The following PDGFC variants were observed in gnomAD, a reference collection of about 807,000 sequenced individuals.
PDGFC encodes platelet derived growth factor C.
A neutral mutation model predicts 35.5 loss-of-function variants in PDGFC; 12 were observed. The ratio of observed to expected loss-of-function variants is 0.34; its 90% CI spans 0.22 to 0.55. The LOEUF is 0.55. PDGFC is among the 20% of genes least tolerant of loss of function. The pLI is 0.91. For missense variants in PDGFC, 322 were observed against 412.4 expected (o/e 0.78, Z 1.90); for synonymous variants, 159 against 148.8 (o/e 1.07, Z -0.50).
At chr4:156,803,568 T>A (rs1197093092) in intron 3 of PDGFC, among the ~76,000 whole-genome samples, 1 of 151,700 alleles carries the variant, frequency 6.6e-6, no homozygotes, top group Non-Finnish European at 1.5e-5. Flanking sequence ...TTAAATAGAG[T>A]CGTAGAGGTA....
At chr4:156,961,927 C>T (rs1213312910) in intron 1 of PDGFC, among the ~76,000 whole-genome samples, 2 of 152,096 alleles carry the variant, frequency 1.3e-5, no homozygotes, top group Admixed American at 6.5e-5. Context: ...ACTGAGGCTG[C>T]GCAGCCTGCC....
intron 1 of PDGFC, chr4:156,861,382 G>A (rs1729706342): frequency 4.4e-6 from 3 of 688,162 alleles, no homozygotes; most frequent in Non-Finnish European, 6.6e-6. Context: ...TTTCTGATAA[G>A]AAAAGCTTAA....
chr4:156,949,359 CT>C (rs201001684), intron 1 of PDGFC, among the ~76,000 whole-genome samples: 21 of 148,494 alleles, frequency 1.4e-4, no homozygotes, highest in African/African-American at 2.5e-4. Flanking sequence ...CTAATGTGTA[CT>C]TTTTTTTTTA....
At chr4:156,844,834 G>T (rs367920862) in intron 2 of PDGFC, among the ~76,000 whole-genome samples, 1 of 151,926 alleles carries the variant, frequency 6.6e-6, no homozygotes, top group East Asian at 1.9e-4. Context: ...GCAAATATAT[G>T]TAACCTCTAT....
Position 156,971,411 on chromosome 4 carries a change from C to T in PDGFC, c.-508G>A. ...TCTCCGGGCGCCCCTCTCCCCCGCC[C>T]CACCCCCCACCCCCGAAGGGGGAGG... On this transcript the variant is annotated 5_prime_UTR_variant, in exon 1 of 6. Transcript: ENST00000502773. 1 of 389,784 alleles carries T rather than the reference C, an allele frequency of 2.6e-6. No individual in the cohort carries two copies. The highest frequency in any genetic ancestry group is 4.5e-6 in the Non-Finnish European group (1 of 220,726). 24.1% of individuals were successfully genotyped at this position (389,784 alleles called of 1,614,324 possible).
intron 1 of PDGFC, among the ~76,000 whole-genome samples, chr4:156,890,208 C>T (rs1174121015): frequency 6.6e-6 from 1 of 151,824 alleles, no homozygotes; most frequent in South Asian, 2.1e-4. Context: ...AGAAAAGCAG[C>T]CAGGGATGTA....
At chr4:156,909,644 C>CA (rs1214512531) in intron 1 of PDGFC, among the ~76,000 whole-genome samples, 2 of 152,064 alleles carry the variant, frequency 1.3e-5, no homozygotes, top group African/African-American at 4.8e-5. Flanking sequence ...TATCCACATA[C>CA]AAATACATTC....
chr4:156,961,730 T>C (rs1349154920), intron 1 of PDGFC, among the ~76,000 whole-genome samples: 3 of 152,196 alleles, frequency 2.0e-5, no homozygotes, highest in Non-Finnish European at 4.4e-5. Context: ...GCCTGTGATG[T>C]AACAGCTTCA....
intron 2 of PDGFC, among the ~76,000 whole-genome samples, chr4:156,828,753 T>C (rs1728854454): frequency 6.6e-6 from 1 of 152,180 alleles, no homozygotes; most frequent in Admixed American, 6.5e-5. Flanking sequence ...CTTTCATTTA[T>C]ATATTACTTC....
intron 1 of PDGFC, among the ~76,000 whole-genome samples, chr4:156,880,591 T>C (rs1341871711): frequency 6.6e-6 from 1 of 152,162 alleles, no homozygotes; most frequent in Non-Finnish European, 1.5e-5. Flanking sequence ...AAGAAGTAAT[T>C]TGAAGTTTCA....
intron 1 of PDGFC, among the ~76,000 whole-genome samples, chr4:156,925,191 A>G (rs1731378030): frequency 6.6e-6 from 1 of 152,190 alleles, no homozygotes; most frequent in Non-Finnish European, 1.5e-5. Flanking sequence ...AAAGGCAAAA[A>G]CTAGTATATA....
At chr4:156,823,253 A>C (rs1732320385) in intron 2 of PDGFC, among the ~76,000 whole-genome samples, 1 of 152,182 alleles carries the variant, frequency 6.6e-6, no homozygotes, top group African/African-American at 2.4e-5. Flanking sequence ...TTTAAAAATA[A>C]AAATAAAATA....
At chr4:156,888,795 G>T (rs527791196) in intron 1 of PDGFC, among the ~76,000 whole-genome samples, 119 of 152,142 alleles carry the variant, frequency 7.8e-4, no homozygotes, top group African/African-American at 2.7e-3. Context: ...CAAACCTTCA[G>T]TAATTCTCTA....
rs1731185388 is a variant in PDGFC at position 156,788,300 on chromosome 4, C to T, written c.496-15407G>A. On this transcript the variant is annotated intron_variant, in intron 3 of 5. Transcript: ENST00000502773. Reference sequence around the variant, plus strand: ...ATGCCTAGGTGTCCACAGAGAATCTCCAGAACCCCGAAAAGCTACCAAGAT... The same window carrying T: ...ATGCCTAGGTGTCCACAGAGAATCTTCAGAACCCCGAAAAGCTACCAAGAT... 2.0e-5 allele frequency among the ~76,000 whole-genome samples: 3 copies of T among 152,204 alleles called. No homozygotes were observed. In the South Asian group the frequency reaches 6.2e-4, roughly 32 times the overall value.
At chr4:156,951,519 G>T (rs1732081745) in intron 1 of PDGFC, among the ~76,000 whole-genome samples, 1 of 151,590 alleles carries the variant, frequency 6.6e-6, no homozygotes, top group South Asian at 2.1e-4. Flanking sequence ...GACGCATGGG[G>T]CAGAAATTAA....
chr4:156,801,823 C>G (rs1731619690), intron 3 of PDGFC, among the ~76,000 whole-genome samples: 1 of 152,024 alleles, frequency 6.6e-6, no homozygotes, highest in Non-Finnish European at 1.5e-5. Context: ...AACTCAGAAC[C>G]CCAATTCATT....
chr4:156,867,435 T>C (rs1263237261), intron 1 of PDGFC, among the ~76,000 whole-genome samples: 1 of 152,240 alleles, frequency 6.6e-6, no homozygotes, highest in African/African-American at 2.4e-5. Flanking sequence ...GTCTTCACAT[T>C]CACAATCTTT....
chr4:156,780,463 A>G (rs1730947638), intron 3 of PDGFC, among the ~76,000 whole-genome samples: 1 of 152,194 alleles, frequency 6.6e-6, no homozygotes, highest in African/African-American at 2.4e-5. Flanking sequence ...TATTCAATGT[A>G]TCACTCAACC....
chr4:156,780,284 T>C (rs1730943138), intron 3 of PDGFC, among the ~76,000 whole-genome samples: 1 of 152,060 alleles, frequency 6.6e-6, no homozygotes, highest in Non-Finnish European at 1.5e-5. Flanking sequence ...TTTGTTATAA[T>C]ACTCAAGATA....
Sources: gnomAD v4.1 joint callset for allele counts (sites outside exome capture counted in the v4.1 genomes callset) on GRCh38, gnomAD v4.1.1 for gene constraint, MANE v1.5 for transcripts, NCBI Gene and HGNC (gene_info 2026-07-23, HGNC 2026-07-21) for gene names.